Variants in AUTS2 observed in about 807,000 individuals in gnomAD.
AUTS2 encodes autism susceptibility gene 2 protein.
In AUTS2, 17 loss-of-function variants were observed where a neutral mutation model predicts 112.4. The ratio of observed to expected loss-of-function variants is 0.15; its 90% CI spans 0.10 to 0.23. AUTS2 has a LOEUF of 0.23. AUTS2 is among the 10% of genes least tolerant of loss of function. The pLI is 1.00. For missense variants in AUTS2, 1,510 were observed against 1,701.6 expected, an observed-to-expected ratio of 0.89 and a Z score of 1.98; for synonymous variants, 751 against 702.7, an observed-to-expected ratio of 1.07 and a Z score of -1.09.
chr7:69,715,891 G>A (rs1314263171), intron 1 of AUTS2, among the ~76,000 whole-genome samples: 2 of 152,186 alleles, frequency 1.3e-5, no homozygotes, highest in African/African-American at 2.4e-5. Flanking sequence ...TTGTGAATGA[G>A]CAGAAATTAA....
At chr7:69,718,809 A>G (rs1488040288) in intron 1 of AUTS2, among the ~76,000 whole-genome samples, 1 of 152,182 alleles carries the variant, frequency 6.6e-6, no homozygotes, top group Non-Finnish European at 1.5e-5. Flanking sequence ...CCCCACTCAA[A>G]TGAAATTGTA....
At chr7:69,615,247 G>A (rs1463452533) in intron 1 of AUTS2, among the ~76,000 whole-genome samples, 1 of 152,134 alleles carries the variant, frequency 6.6e-6, no homozygotes. Context: ...ATGGGTGTCA[G>A]TTTCACTTCA....
intron 4 of AUTS2, among the ~76,000 whole-genome samples, chr7:70,224,996 T>A (rs1309801003): frequency 6.6e-6 from 1 of 152,252 alleles, no homozygotes; most frequent in Non-Finnish European, 1.5e-5. Context: ...AATCATCTAA[T>A]GACACATTTC....
At chr7:69,969,482 G>A (rs1797760574) in intron 2 of AUTS2, among the ~76,000 whole-genome samples, 1 of 152,090 alleles carries the variant, frequency 6.6e-6, no homozygotes, top group East Asian at 1.9e-4. Flanking sequence ...TTCTTGGCAT[G>A]GTTATGGTGC....
intron 2 of AUTS2, among the ~76,000 whole-genome samples, chr7:69,912,394 G>A (rs751096654): frequency 1.3e-5 from 2 of 152,196 alleles, no homozygotes; most frequent in African/African-American, 2.4e-5. Context: ...AGTGGAGGGT[G>A]GGGCTCCTGC....
chr7:70,324,770 T>A (rs1790410571), intron 4 of AUTS2, among the ~76,000 whole-genome samples: 1 of 152,190 alleles, frequency 6.6e-6, no homozygotes, highest in Non-Finnish European at 1.5e-5. Flanking sequence ...TGTGAGAAGA[T>A]GTTATTGAGG....
At chr7:70,299,810 T>G (rs1789120725) in intron 4 of AUTS2, among the ~76,000 whole-genome samples, 1 of 121,098 alleles carries the variant, frequency 8.3e-6, no homozygotes, top group Non-Finnish European at 1.7e-5. Context: ...GGATTTTCTT[T>G]TGCTTTTGTT....
At chr7:70,276,554 T>A (rs1426015886) in intron 4 of AUTS2, among the ~76,000 whole-genome samples, 1 of 152,004 alleles carries the variant, frequency 6.6e-6, no homozygotes, top group Non-Finnish European at 1.5e-5. Context: ...AATTTTTGTA[T>A]TTTTAGTAGA....
At chr7:69,883,007 A>G (rs1794121697) in intron 1 of AUTS2, among the ~76,000 whole-genome samples, 1 of 152,232 alleles carries the variant, frequency 6.6e-6, no homozygotes, top group Non-Finnish European at 1.5e-5. Flanking sequence ...CACTTTCCAC[A>G]AATTTCATTA....
intron 5 of AUTS2, among the ~76,000 whole-genome samples, chr7:70,619,099 C>G (rs1355718177): frequency 1.3e-5 from 2 of 152,202 alleles, no homozygotes; most frequent in Non-Finnish European, 2.9e-5. Context: ...CCACCAGGCT[C>G]TCCCTGGGTC....
At chr7:70,335,065 T>TCCTC (rs1790927380) in intron 4 of AUTS2, among the ~76,000 whole-genome samples, 2 of 152,214 alleles carry the variant, frequency 1.3e-5, no homozygotes, top group Admixed American at 6.5e-5. Flanking sequence ...AGGTTTCCTG[T>TCCTC]TGAGGCGTCT....
At chr7:69,758,217 GT>G (rs1788023208) in intron 1 of AUTS2, among the ~76,000 whole-genome samples, 2 of 152,200 alleles carry the variant, frequency 1.3e-5, no homozygotes, top group Non-Finnish European at 2.9e-5. Flanking sequence ...CTGGGTGGGT[GT>G]TTTTGGTTTT....
intron 6 of AUTS2, among the ~76,000 whole-genome samples, chr7:70,758,018 G>A (rs1789331188): frequency 6.6e-6 from 1 of 152,002 alleles, no homozygotes; most frequent in Admixed American, 6.6e-5. Context: ...CTGACCTGAA[G>A]TGATCCACCT....
At chr7:69,876,349 A>T (rs6946883) in intron 1 of AUTS2, among the ~76,000 whole-genome samples, 1,378 of 28,860 alleles carry the variant, frequency 0.048, 123 homozygotes, top group Non-Finnish European at 0.057. Flanking sequence ...AAAAAAAAAA[A>T]ATATATATAT....
At chr7:70,125,480 A>G (rs1805921255) in intron 3 of AUTS2, among the ~76,000 whole-genome samples, 1 of 151,968 alleles carries the variant, frequency 6.6e-6, no homozygotes, top group African/African-American at 2.4e-5. Flanking sequence ...CCTCCTTCCC[A>G]GTGGTGGTTT....
At chr7:70,540,319 C>G (rs1452464320) in intron 5 of AUTS2, among the ~76,000 whole-genome samples, 1 of 152,150 alleles carries the variant, frequency 6.6e-6, no homozygotes, top group Admixed American at 6.5e-5. Context: ...CAGCTACCCC[C>G]CTAGCAGATA....
At chr7:70,268,527 A>C (rs1787543216) in intron 4 of AUTS2, among the ~76,000 whole-genome samples, 1 of 152,194 alleles carries the variant, frequency 6.6e-6, no homozygotes, top group African/African-American at 2.4e-5. Flanking sequence ...TTTCTAGAGA[A>C]GTAGGATGGG....
chr7:70,113,157 A>G (rs1805172949), intron 2 of AUTS2, among the ~76,000 whole-genome samples: 1 of 152,124 alleles, frequency 6.6e-6, no homozygotes, highest in South Asian at 2.1e-4. Flanking sequence ...TTTAGCTTTT[A>G]TTCACAACTT....
At chr7:70,089,905 G>T (rs929531522) in intron 2 of AUTS2, among the ~76,000 whole-genome samples, 16 of 152,024 alleles carry the variant, frequency 1.1e-4, no homozygotes, top group African/African-American at 3.6e-4. Flanking sequence ...TGCTTGGGAG[G>T]CTGAGGCAGG....
Sources: allele counts gnomAD v4.1 joint callset (sites outside exome capture counted in the v4.1 genomes callset), GRCh38; gene constraint gnomAD v4.1.1; transcripts MANE v1.5; gene names NCBI Gene and HGNC (gene_info 2026-07-23, HGNC 2026-07-21).